The following NUP188 variants were observed in gnomAD, a reference collection of about 807,000 sequenced individuals.
NUP188 encodes the protein nucleoporin NUP188.
A neutral mutation model predicts 223.0 loss-of-function variants in NUP188; 97 were observed. The observed-to-expected ratio is 0.43, with a 90% CI of 0.37 to 0.51. NUP188 has a LOEUF of 0.51. Ranked by LOEUF, NUP188 falls within the 20% of genes least tolerant of loss-of-function variation. The pLI, the probability that NUP188 is intolerant of heterozygous loss-of-function variation, is 0.00. For synonymous variants in NUP188, 869 were observed against 828.0 expected, an observed-to-expected ratio of 1.05 and a Z score of -0.85; for missense variants, 1,947 against 2,175.6, an observed-to-expected ratio of 0.89 and a Z score of 2.09.
At chr9:128,989,274 G>T (rs1411834146) in intron 24 of NUP188, among the ~76,000 whole-genome samples, 1 of 152,156 alleles carries the variant, frequency 6.6e-6, no homozygotes, top group African/African-American at 2.4e-5. Context: ...GGTGGCATAT[G>T]CCTGTGGTCC....
intron 15 of NUP188, 32 bp downstream of exon 15, chr9:128,981,422 C>CT (rs762057377): frequency 0.055 from 72,722 of 1,322,620 alleles, no homozygotes; most frequent in Non-Finnish European, 0.058. Context: ...TTTATGACAG[C>CT]TTTTTTTTTT....
intron 3 of NUP188, among the ~76,000 whole-genome samples, chr9:128,953,235 G>A (rs987987820): frequency 2.6e-5 from 4 of 152,180 alleles, no homozygotes; most frequent in Non-Finnish European, 4.4e-5. Context: ...AATACTCTAA[G>A]CACCTGACTT....
chr9:129,002,119 A>T (rs1207520771), intron 36 of NUP188, 143 bp downstream of exon 36: 14 of 678,848 alleles, frequency 2.1e-5, no homozygotes, highest in Admixed American at 4.7e-5. Flanking sequence ...CCCTGCCCCC[A>T]GGCGGATCTC....
intron 25 of NUP188, among the ~76,000 whole-genome samples, chr9:128,990,637 GGT>G (rs2131174818): frequency 6.6e-6 from 1 of 152,340 alleles, no homozygotes; most frequent in East Asian, 1.9e-4. Flanking sequence ...GGCCGAGGCG[GGT>G]GTATCACAGA....
intron 37 of NUP188, 134 bp downstream of exon 37, chr9:129,003,109 C>G (rs1000711449): frequency 1.8e-6 from 2 of 1,124,566 alleles, no homozygotes; most frequent in African/African-American, 1.6e-5. Flanking sequence ...TTGAGATGCT[C>G]TAAGTACTCT....
At position 128,983,513 on chromosome 9, in the gene NUP188, G is replaced by C. The variant is rs1842286626; in HGVS notation, c.1924G>C (p.Val642Leu). The change falls in exon 19 of 44, where the codon GTG (valine) becomes CTG (leucine). Residue 642 changes from valine (V) to leucine (L), a missense_variant. By Grantham distance (32) the Val-to-Leu change is conservative. This residue lies in a region of NUP188 where 817 missense variants were observed against 865.8 expected (regional missense o/e 0.94). Transcript: ENST00000372577. ...TCGTCACACAGGTTTTTTACCATTT[G>C]TGGCCCATCCTGTCTCCAGCCTGAG... ...DLRHTGFLPF[V>L]AHPVSSLSQM... The C allele has an allele frequency of 6.2e-7, 1 of 1,614,026 alleles. No individual in the cohort carries two copies. The highest frequency in any genetic ancestry group is 1.7e-5 in the Admixed American group (1 of 59,996).
chr9:128,958,136 C>T, intron 6 of NUP188, 82 bp downstream of exon 6: 1 of 1,071,568 alleles, frequency 9.3e-7, no homozygotes, highest in Non-Finnish European at 1.4e-6. Flanking sequence ...GCATTGCTGG[C>T]TTTTGACTCT....
intron 1 of NUP188, chr9:128,948,024 C>G: frequency 2.8e-6 from 1 of 353,602 alleles, no homozygotes; most frequent in Non-Finnish European, 5.1e-6. Flanking sequence ...CCTTCCTCCT[C>G]TCTCACCTCC....
intron 2 of NUP188, among the ~76,000 whole-genome samples, chr9:128,951,469 A>G (rs1318347536): frequency 6.6e-6 from 1 of 152,088 alleles, no homozygotes; most frequent in East Asian, 1.9e-4. Context: ...ACAGAACAGG[A>G]CCCTGTCTCA....
In NUP188 at chr9:128,998,585, G is replaced by A. The variant is rs957562531; in HGVS notation, c.3477G>A (p.Lys1159=). The change falls in exon 32 of 44, where the codon AAG becomes AAA. Residue 1159 remains lysine, a synonymous_variant. Transcript: ENST00000372577. Reference sequence around the variant, plus strand: ...ACTGCCTTCGCCTTGGCTCCATGAAGTGCACTCTGCTGCTTATCCTCCTCC... The same window carrying A: ...ACTGCCTTCGCCTTGGCTCCATGAAATGCACTCTGCTGCTTATCCTCCTCC... The part of the protein sequence containing the change: ...SVNCLRLGSM[K]CTLLLILLRQ... The A allele has an allele frequency of 3.1e-6, 5 of 1,614,082 alleles. No homozygotes were observed. The South Asian group carries it at 3.3e-5, about 11-fold the overall frequency.
intron 1 of NUP188, 105 bp from the exon 2 acceptor site, chr9:128,949,084 A>T: frequency 1.4e-6 from 1 of 737,734 alleles, no homozygotes; most frequent in Non-Finnish European, 2.3e-6. Context: ...CGTTTTGTAT[A>T]TTGAGATTTT....
intron 6 of NUP188, 29 bp from the exon 7 acceptor site, chr9:128,958,773 T>G (rs761404018): frequency 7.6e-7 from 1 of 1,319,758 alleles, no homozygotes; most frequent in Non-Finnish European, 1.1e-6. Context: ...CAAAGGTGAG[T>G]AACTGATTTT....
chr9:128,983,190 C>A, intron 17 of NUP188, 103 bp from the exon 18 acceptor site: 2 of 1,387,346 alleles, frequency 1.4e-6, no homozygotes, highest in South Asian at 1.2e-5. Flanking sequence ...TTTTATATGT[C>A]TGCTGAGGGG....
Position 128,986,557 on chromosome 9 carries a change from G to C in NUP188, c.2077-1G>C. 6.2e-7 allele frequency: 1 copy of C among 1,612,778 alleles called. No individual in the cohort carries two copies. Among genetic ancestry groups the C allele is most frequent in the Non-Finnish European group, 8.5e-7 (1 of 1,179,518 alleles). ...AGTCCTCACTGCATGGTTTCTTGTA[G>C]GGGCAACTTGGTAGTACCCAGAGCC... On this transcript the variant is annotated splice_acceptor_variant, in intron 20 of 43. Coordinates refer to ENST00000372577, the MANE Select transcript of NUP188 (RefSeq NM_015354.3). LOFTEE classifies it high-confidence loss of function.
At chr9:128,996,215 T>C (rs1175120161) in intron 30 of NUP188, among the ~76,000 whole-genome samples, 2 of 151,876 alleles carry the variant, frequency 1.3e-5, no homozygotes, top group African/African-American at 4.8e-5. Context: ...AGTGGTGCGA[T>C]CTTGGCTTAC....
intron 25 of NUP188, 32 bp from the exon 26 acceptor site, chr9:128,993,165 G>A (rs563368519): frequency 6.3e-7 from 1 of 1,584,114 alleles, no homozygotes; most frequent in East Asian, 2.2e-5. Context: ...TGGAAGCAGA[G>A]CTCTAAGCCT....
chr9:128,977,305 A>G (rs924896174), intron 12 of NUP188, among the ~76,000 whole-genome samples: 3 of 151,722 alleles, frequency 2.0e-5, no homozygotes, highest in Non-Finnish European at 4.4e-5. Flanking sequence ...TATTTTTAGT[A>G]GAGACGGGTT....
intron 8 of NUP188, among the ~76,000 whole-genome samples, chr9:128,966,151 G>A (rs1026837865): frequency 6.6e-6 from 1 of 151,086 alleles, no homozygotes; most frequent in East Asian, 1.9e-4. Flanking sequence ...GTGTGTGTGT[G>A]TGTGTGTGTG....
chr9:128,984,749 T>C (rs951815748), intron 19 of NUP188, 151 bp from the exon 20 acceptor site: 1 of 520,452 alleles, frequency 1.9e-6, no homozygotes, highest in Admixed American at 3.8e-5. Flanking sequence ...TTACCCTGGG[T>C]ACAGAACTGT....
Sources: allele counts gnomAD v4.1 joint callset (sites outside exome capture counted in the v4.1 genomes callset), GRCh38; gene constraint gnomAD v4.1.1; regional missense constraint gnomAD v4.1.1; transcripts MANE v1.5; gene names NCBI Gene and HGNC (gene_info 2026-07-23, HGNC 2026-07-21).